Variants in CTNNBL1 observed in about 807,000 individuals in gnomAD.
CTNNBL1 encodes the protein catenin beta like 1, also known as beta-catenin-like protein 1.
Under a neutral mutation model 72.7 loss-of-function variants are expected in CTNNBL1, and 31 were observed. The ratio of observed to expected loss-of-function variants is 0.43; its 90% confidence interval spans 0.32 to 0.58. CTNNBL1 has a LOEUF of 0.58. Ranked by LOEUF, CTNNBL1 falls within the 20% of genes least tolerant of loss-of-function variation. The pLI is 0.08. For missense variants in CTNNBL1, 534 were observed against 725.1 expected (o/e 0.74, Z 3.03); for synonymous variants, 240 against 267.3 (o/e 0.90, Z 1.00).
intron 1 of CTNNBL1, among the ~76,000 whole-genome samples, chr20:37,728,159 G>T (rs1308206190): frequency 6.6e-6 from 1 of 152,070 alleles, no homozygotes; most frequent in East Asian, 1.9e-4. Context: ...GGCCTCATAT[G>T]GCTGTTGAGC....
chr20:37,767,264 AAG>A (rs1491351107), intron 6 of CTNNBL1, among the ~76,000 whole-genome samples: 11 of 152,316 alleles, frequency 7.2e-5, no homozygotes, highest in South Asian at 6.2e-4. Flanking sequence ...ATTAAAAAAA[AAG>A]AGATCTCCTT....
intron 7 of CTNNBL1, among the ~76,000 whole-genome samples, chr20:37,775,652 G>A (rs905204839): frequency 6.6e-6 from 1 of 152,178 alleles, no homozygotes; most frequent in African/African-American, 2.4e-5. Context: ...TGCCACAACA[G>A]TGGACAGAGT....
rs1401693853 is a variant in CTNNBL1, at chr20:37,840,166, T to A, written c.1278T>A (p.Leu426=). Residue 426 remains leucine, a synonymous_variant, in exon 12 of 16, where the codon CTT becomes CTA. Transcript: ENST00000361383. ...TGAGAGGGCAGCAGCGGACCCGGCT[T>A]CTGAATAAATTCACTGAAAATGACA... is the stretch of plus-strand genomic sequence containing the variant. The part of the protein sequence containing the change: ...RNLRGQQRTR[L]LNKFTENDSE... 6.2e-7 allele frequency: 1 copy of A among 1,613,662 alleles called. No individual in the cohort carries two copies. The highest frequency in any genetic ancestry group is 1.3e-5 in the African/African-American group (1 of 74,902).
intron 7 of CTNNBL1, among the ~76,000 whole-genome samples, chr20:37,770,908 G>A (rs111567194): frequency 5.8e-4 from 88 of 152,344 alleles, no homozygotes; most frequent in African/African-American, 2.0e-3. Flanking sequence ...GCCAGCAAGA[G>A]GGCATGTCCT....
chr20:37,828,902 A>C (rs1412441663), intron 11 of CTNNBL1, among the ~76,000 whole-genome samples: 1 of 152,240 alleles, frequency 6.6e-6, no homozygotes, highest in Non-Finnish European at 1.5e-5. Flanking sequence ...AGAAGGGAAA[A>C]AAATAATAAT....
intron 4 of CTNNBL1, chr20:37,751,511 T>A (rs2073319587): frequency 4.6e-5 from 7 of 152,226 alleles, no homozygotes; most frequent in Admixed American, 1.3e-4. Flanking sequence ...TACAGAGTTG[T>A]CAAGTGAGTT....
At chr20:37,728,255 A>T (rs184248497) in intron 1 of CTNNBL1, among the ~76,000 whole-genome samples, 12 of 152,360 alleles carry the variant, frequency 7.9e-5, no homozygotes, top group African/African-American at 2.9e-4. Context: ...GAAAAAAAGA[A>T]TGTAAAATAA....
rs923320645 is a variant in CTNNBL1 at position 37,819,683 on chromosome 20, A to G, written c.1213+16635A>G. ...AGAATTACATTTTTGGGATTTTAAC[A>G]TTCAGAATTATGATTGGCTTCCCTC... is the stretch of plus-strand genomic sequence containing the variant. On this transcript the variant is annotated intron_variant, in intron 11 of 15. Transcript: ENST00000361383. Among the ~76,000 whole-genome samples, 7 of 152,108 alleles carry G rather than the reference A, an allele frequency of 4.6e-5. No homozygotes were observed. The East Asian group carries it at 9.6e-4, about 21-fold the overall frequency.
intron 10 of CTNNBL1, among the ~76,000 whole-genome samples, chr20:37,788,314 A>C (rs1457500410): frequency 6.6e-6 from 1 of 152,172 alleles, no homozygotes; most frequent in African/African-American, 2.4e-5. Flanking sequence ...CAAAAGATAC[A>C]CCTTTGGTTT....
At chr20:37,712,480 G>T (rs1177500849) in intron 1 of CTNNBL1, among the ~76,000 whole-genome samples, 1 of 152,204 alleles carries the variant, frequency 6.6e-6, no homozygotes. Context: ...ATTACAGTGG[G>T]TAATTAAGGG....
intron 11 of CTNNBL1, among the ~76,000 whole-genome samples, chr20:37,820,402 A>T (rs2072095572): frequency 6.6e-6 from 1 of 151,958 alleles, no homozygotes; most frequent in Non-Finnish European, 1.5e-5. Context: ...GATAACGACA[A>T]CCTTCTTCTC....
chr20:37,793,182 C>T (rs1002694595), intron 10 of CTNNBL1, among the ~76,000 whole-genome samples: 3 of 152,320 alleles, frequency 2.0e-5, no homozygotes, highest in Admixed American at 1.3e-4. Context: ...TATATTTGTA[C>T]AGATTTCCTG....
chr20:37,739,562 A>G (rs2073197398), intron 3 of CTNNBL1, among the ~76,000 whole-genome samples: 1 of 152,162 alleles, frequency 6.6e-6, no homozygotes, highest in Non-Finnish European at 1.5e-5. Context: ...CCCAGATTGA[A>G]GGGTATGTAC....
At chr20:37,826,837 A>C (rs966017181) in intron 11 of CTNNBL1, among the ~76,000 whole-genome samples, 1 of 152,238 alleles carries the variant, frequency 6.6e-6, no homozygotes, top group African/African-American at 2.4e-5. Flanking sequence ...TTTAGCATGA[A>C]TATAAATTAA....
At chr20:37,715,848 G>A (rs185629538) in intron 1 of CTNNBL1, among the ~76,000 whole-genome samples, 2 of 152,330 alleles carry the variant, frequency 1.3e-5, no homozygotes, top group Non-Finnish European at 2.9e-5. Flanking sequence ...CTAATGGGTA[G>A]TTTGCCTTGA....
At chr20:37,778,811 G>A (rs1215391120) in intron 9 of CTNNBL1, among the ~76,000 whole-genome samples, 1 of 152,126 alleles carries the variant, frequency 6.6e-6, no homozygotes, top group Non-Finnish European at 1.5e-5. Flanking sequence ...CCTGGATAAT[G>A]ATTTCAGGGG....
At position 37,732,945 on chromosome 20, in the gene CTNNBL1, A is replaced by G. The variant is rs1353939916; in HGVS notation, c.97A>G (p.Thr33Ala). 27 of 1,613,962 alleles carry G rather than the reference A, an allele frequency of 1.7e-5. No individual in the cohort carries two copies. Among genetic ancestry groups the G allele is most frequent in the Non-Finnish European group, 2.3e-5 (27 of 1,180,038 alleles). ...GGAGCAGAAGATGCGTCGGAAACAA[A>G]CTGGTACTCGAGAACGCGGCCGCTA... Reference protein sequence around the residue: ...EEEQKMRRKQTGTRERGRYRE... With the variant: ...EEEQKMRRKQAGTRERGRYRE... Residue 33 changes from threonine to alanine, a missense_variant, in exon 2 of 16, where the codon ACT (threonine) becomes GCT (alanine). By Grantham distance (58) the Thr-to-Ala change is moderately conservative (BLOSUM62 0). Coordinates refer to ENST00000361383, the MANE Select transcript of CTNNBL1 (RefSeq NM_030877.5).
At chr20:37,744,483 G>A (rs2073244586) in intron 3 of CTNNBL1, among the ~76,000 whole-genome samples, 1 of 152,214 alleles carries the variant, frequency 6.6e-6, no homozygotes, top group Admixed American at 6.5e-5. Context: ...TTAAATCACA[G>A]TACGTCTACT....
At chr20:37,780,716 G>T (rs1253673809) in intron 10 of CTNNBL1, among the ~76,000 whole-genome samples, 1 of 152,102 alleles carries the variant, frequency 6.6e-6, no homozygotes, top group Non-Finnish European at 1.5e-5. Context: ...AATGATGTTA[G>T]GATTATCCAG....
Sources: allele counts gnomAD v4.1 joint callset (sites outside exome capture counted in the v4.1 genomes callset), GRCh38; gene constraint gnomAD v4.1.1; transcripts MANE v1.5; gene names NCBI Gene and HGNC (gene_info 2026-07-23, HGNC 2026-07-21).